The following VPS9D1 variants were observed in gnomAD, a reference collection of about 807,000 sequenced individuals.
VPS9D1 encodes the protein VPS9 domain-containing protein 1.
In VPS9D1, 78 loss-of-function variants were observed where a neutral mutation model predicts 75.8. The observed-to-expected ratio is 1.03, with a 90% CI of 0.86 to 1.24. VPS9D1 has a LOEUF of 1.24. Among genes scored for constraint, VPS9D1 ranks in the 50% most tolerant of loss-of-function variants. VPS9D1 has a pLI of 0.00. For missense variants in VPS9D1, 1,057 were observed against 847.7 expected, an observed-to-expected ratio of 1.25 and a Z score of -3.07; for synonymous variants, 481 against 385.6, an observed-to-expected ratio of 1.25 and a Z score of -2.90.
At position 89,716,795 on chromosome 16, in the gene VPS9D1, G is replaced by GT; in HGVS notation, c.202dup (p.Thr68AsnfsTer51). On this transcript the variant is annotated frameshift_variant, in exon 3 of 15. Transcript: ENST00000389386. LOFTEE classifies it high-confidence loss of function. ...CTGTGCTAGCTTCAGCATCTTGGAG[G>GT]TGTCGGGGGGCACAGTTTCCCCAGC... The GT allele has an allele frequency of 6.3e-7, 1 of 1,592,804 alleles. No individual in the cohort carries two copies. The highest frequency in any genetic ancestry group is 8.5e-7 in the Non-Finnish European group (1 of 1,174,248).
intron 10 of VPS9D1, 60 bp downstream of exon 10, chr16:89,710,526 C>G (rs552192750): frequency 2.6e-6 from 4 of 1,512,654 alleles, no homozygotes; most frequent in Admixed American, 4.0e-5. Context: ...AAGCTTGAAA[C>G]GGACCAATAA....
Position 89,708,550 on chromosome 16 carries a change from G to A in VPS9D1, c.1698-19C>T, listed in dbSNP as rs376974847. On this transcript the variant is annotated intron_variant, in intron 13 of 14. Coordinates refer to ENST00000389386, the MANE Select transcript of VPS9D1 (RefSeq NM_004913.3). ...GGCACCACTGTCGGGAGGGCATAGCGGCCTTGGGTTGGGGCCAGGAGCCTC... is the reference window on the plus strand; with the variant it reads ...GGCACCACTGTCGGGAGGGCATAGCAGCCTTGGGTTGGGGCCAGGAGCCTC... 449 of 1,607,688 alleles carry A rather than the reference G, an allele frequency of 2.8e-4. 1 individual carries two copies. The highest frequency in any genetic ancestry group is 7.8e-4 in the South Asian group (70 of 90,190).
rs1278377423 is a variant in VPS9D1 at position 89,716,485 on chromosome 16, C to A, written c.408G>T (p.Gly136=). ...ACTTCTTACAGCTTTGTGACTCTGCCCCCTGAAGCTTCTGGAAGATCTCGG... is the reference window on the plus strand; with the variant it reads ...ACTTCTTACAGCTTTGTGACTCTGCACCCTGAAGCTTCTGGAAGATCTCGG... The part of the protein sequence containing the change: ...LPPEIFQKLQ[G]AESQSCKKEL... The change falls in exon 4 of 15, where the codon GGG becomes GGT. Residue 136 remains glycine (G), a synonymous_variant. Coordinates refer to ENST00000389386, the MANE Select transcript of VPS9D1 (RefSeq NM_004913.3). 1 of 1,614,080 alleles carries A rather than the reference C, an allele frequency of 6.2e-7. No individual in the cohort carries two copies. The highest frequency in any genetic ancestry group is 1.1e-5 in the South Asian group (1 of 91,078).
At chr16:89,716,288 C>T (rs1373244536) in intron 4 of VPS9D1, among the ~76,000 whole-genome samples, 174 bp downstream of exon 4, 1 of 152,012 alleles carries the variant, frequency 6.6e-6, no homozygotes, top group Non-Finnish European at 1.5e-5. Flanking sequence ...ATGGTGTGAA[C>T]CCGGGAGGTG....
intron 2 of VPS9D1, 81 bp downstream of exon 2, chr16:89,718,946 C>T (rs1160362711): frequency 3.2e-6 from 4 of 1,241,278 alleles, no homozygotes; most frequent in Non-Finnish European, 3.5e-6. Context: ...ATCTCCTGAC[C>T]TCAGGTGATA....
intron 4 of VPS9D1, among the ~76,000 whole-genome samples, chr16:89,715,371 T>C (rs1261905141): frequency 1.3e-5 from 2 of 150,956 alleles, no homozygotes; most frequent in Non-Finnish European, 3.0e-5. Flanking sequence ...GGACTATAGG[T>C]GCCCGCCACC....
chr16:89,709,683 G>A (rs930149075), intron 11 of VPS9D1, 94 bp downstream of exon 11: 16 of 1,580,166 alleles, frequency 1.0e-5, no homozygotes, highest in African/African-American at 6.7e-5. Context: ...GGGATGGAGG[G>A]GAGCAGACAG....
At position 89,707,838 on chromosome 16, in the gene VPS9D1, A is replaced by G; in HGVS notation, c.*23T>C. ...CCTGGGAGGCGAGGCCAGGCCCTGCAGGGACCCTGGGCTCTAGCTGTACTA... is the reference window on the plus strand; with the variant it reads ...CCTGGGAGGCGAGGCCAGGCCCTGCGGGGACCCTGGGCTCTAGCTGTACTA... On this transcript the variant is annotated 3_prime_UTR_variant, in exon 15 of 15. Coordinates refer to ENST00000389386, the MANE Select transcript of VPS9D1 (RefSeq NM_004913.3). The G allele has an allele frequency of 1.2e-6, 2 of 1,611,280 alleles. No homozygotes were observed. The highest frequency in any genetic ancestry group is 1.7e-6 in the Non-Finnish European group (2 of 1,178,552).
At position 89,711,007 on chromosome 16, in the gene VPS9D1, G is replaced by T. The variant is rs372851965; in HGVS notation, c.837C>A (p.Leu279=). ...VTSLVSHLLS[L]PDHPIAQLLR... ...GGAGCTGCGCGATCGGGTGGTCGGGGAGGCTGCGGGAGAAGAGGACGTGAG... is the reference window on the plus strand; with the variant it reads ...GGAGCTGCGCGATCGGGTGGTCGGGTAGGCTGCGGGAGAAGAGGACGTGAG... Residue 279 remains leucine, a synonymous_variant, in exon 10 of 15, where the codon CTC becomes CTA. Coordinates refer to ENST00000389386, the MANE Select transcript of VPS9D1 (RefSeq NM_004913.3). The T allele has an allele frequency of 9.0e-6, 13 of 1,437,724 alleles. No homozygotes were observed. The highest frequency in any genetic ancestry group is 1.2e-5 in the Non-Finnish European group (13 of 1,100,974). The allele number at this position is 1,437,724 out of a possible 1,614,324, so 89.1% of individuals were successfully genotyped here. A position where few individuals can be genotyped will look rare whatever the true frequency, so the allele number is the denominator to read the frequency against.
At position 89,711,864 on chromosome 16, in the gene VPS9D1, G is replaced by A. The variant is rs368652054; in HGVS notation, c.747+18C>T. 1 of 1,549,338 alleles carries A rather than the reference G, an allele frequency of 6.5e-7. No homozygotes were observed. Among genetic ancestry groups the A allele is most frequent in the African/African-American group, 1.4e-5 (1 of 73,012 alleles). On this transcript the variant is annotated intron_variant, in intron 8 of 14. Coordinates refer to ENST00000389386, the MANE Select transcript of VPS9D1 (RefSeq NM_004913.3). ...CGCTGGGCTCCTCCTACAAAGCCTG[G>A]GCCCGTGGGGGACGCACATGGTCCT...
At position 89,709,263 on chromosome 16, in the gene VPS9D1, G is replaced by C. The variant is rs763806527; in HGVS notation, c.1561C>G (p.Leu521Val). 1.4e-5 allele frequency: 23 copies of C among 1,611,778 alleles called. No homozygotes were observed. The highest frequency in any genetic ancestry group is 1.9e-5 in the Non-Finnish European group (23 of 1,179,902). The change falls in exon 12 of 15, where the codon CTG becomes GTG. Residue 521 changes from leucine (L) to valine (V), a missense_variant. Transcript: ENST00000389386. ...AAAQELGLLV[L>V]ESCPQKKLEC... ...AGCTTCTTCTGGGGGCAGCTCTCCA[G>C]GACCAGCAGTCCGAGCTCCTGGGCC...
chr16:89,712,723 ATG>A lies in VPS9D1; in HGVS notation c.432-9_432-8del, dbSNP rs535743475. The A allele has an allele frequency of 2.8e-4, 436 of 1,580,658 alleles. 2 individuals are homozygous for A. The African/African-American group carries it at 5.4e-3, about 19-fold the overall frequency. On this transcript the variant is annotated splice_polypyrimidine_tract_variant and splice_region_variant and intron_variant, in intron 4 of 14. Transcript: ENST00000389386. ...CTCCAGTGGCGTCAGCTCTCTGGAA[ATG>A]TGACAAGCTGCTGTCTAGACCCCAG...
rs2060893679 is a variant in VPS9D1, at chr16:89,710,633, T to G, written c.1211A>C (p.Gln404Pro). The G allele has an allele frequency of 6.2e-7, 1 of 1,610,050 alleles. No individual in the cohort carries two copies. Among genetic ancestry groups the G allele is most frequent in the Non-Finnish European group, 8.5e-7 (1 of 1,177,834 alleles). Residue 404 changes from glutamine to proline, a missense_variant, in exon 10 of 15, where the codon CAG becomes CCG. Transcript: ENST00000389386. ...GRGRGVQPEPQLQQLKTAVEE... is the reference protein window; with the variant it reads ...GRGRGVQPEPPLQQLKTAVEE... ...CACCGCGGTCTTCAGCTGCTGCAGC[T>G]GGGGCTCCGGCTGTACCCCACGGCC...
intron 13 of VPS9D1, among the ~76,000 whole-genome samples, 156 bp downstream of exon 13, chr16:89,708,701 G>A (rs540480381): frequency 2.2e-4 from 34 of 152,356 alleles, no homozygotes; most frequent in Admixed American, 2.0e-3. Flanking sequence ...GGGAGCTCCC[G>A]TACTGCGGAG....
rs940800208 is a variant in VPS9D1, at chr16:89,711,511, C to T, written c.748-99G>A. 32 of 1,225,162 alleles carry T rather than the reference C, an allele frequency of 2.6e-5. No individual in the cohort carries two copies. The African/African-American group carries it at 4.4e-4, about 17-fold the overall frequency. 75.9% of individuals were successfully genotyped at this position (1,225,162 alleles called of 1,614,324 possible). On this transcript the variant is annotated intron_variant, in intron 8 of 14. Transcript: ENST00000389386. ...GCCGACCCCTAGAGACTGTGGGAGC[C>T]CGTCCTGGGGTGCAGGAGACCCAGC... is the stretch of plus-strand genomic sequence containing the variant.
Position 89,707,162 on chromosome 16 carries a change from G to A in VPS9D1, c.*699C>T, listed in dbSNP as rs1294095511. On this transcript the variant is annotated 3_prime_UTR_variant, in exon 15 of 15. Transcript: ENST00000389386. ...AGCAGTGAGCTCTTTATTTTAGGCT[G>A]GGTGGGGGCAGCATGTGACAGTCAA... 6.6e-6 allele frequency: 1 copy of A among 152,376 alleles called. No homozygotes were observed. The highest frequency in any genetic ancestry group is 6.5e-5 in the Admixed American group (1 of 15,288). The allele number at this position is 152,376 out of a possible 1,614,324, so 9.4% of individuals were successfully genotyped here.
Position 89,719,892 on chromosome 16 carries a change from T to C in VPS9D1, c.100-790A>G, listed in dbSNP as rs556447020. Among the ~76,000 whole-genome samples the C allele has an allele frequency of 7.2e-5, 11 of 152,308 alleles. No individual in the cohort carries two copies. The South Asian group carries it at 2.3e-3, about 32-fold the overall frequency. On this transcript the variant is annotated intron_variant, in intron 1 of 14. Coordinates refer to ENST00000389386, the MANE Select transcript of VPS9D1 (RefSeq NM_004913.3). ...CACCGCCACACCCAGCTAATTTTTG[T>C]ATTTTTAGTAGAGACGGGGTTTCAC...
At chr16:89,719,432 G>C (rs1379044239) in intron 1 of VPS9D1, 1 of 477,968 alleles carries the variant, frequency 2.1e-6, no homozygotes, top group African/African-American at 2.0e-5. Flanking sequence ...GTGGGCCTGG[G>C]GAAGTGACCT....
In VPS9D1 at chr16:89,710,660, C is replaced by T. The variant is rs771189332; in HGVS notation, c.1184G>A (p.Arg395Gln). 6.2e-7 allele frequency: 1 copy of T among 1,611,692 alleles called. No individual in the cohort carries two copies. Among genetic ancestry groups the T allele is most frequent in the African/African-American group, 1.3e-5 (1 of 75,032 alleles). ...GGGCTCCGGCTGTACCCCACGGCCCCGGCCCTGCCGCTCAGACGTCCCCAG... is the reference window on the plus strand; with the variant it reads ...GGGCTCCGGCTGTACCCCACGGCCCTGGCCCTGCCGCTCAGACGTCCCCAG... ...QFLGTSERQG[R>Q]GRGVQPEPQL... Residue 395 changes from arginine (R) to glutamine (Q), a missense_variant, in exon 10 of 15, where the codon CGG becomes CAG. Arg to Gln is a conservative substitution (Grantham distance 43, BLOSUM62 1). Transcript: ENST00000389386.
Sources: gnomAD v4.1 joint callset for allele counts (sites outside exome capture counted in the v4.1 genomes callset) on GRCh38, gnomAD v4.1.1 for gene constraint, MANE v1.5 for transcripts, NCBI Gene and HGNC (gene_info 2026-07-23, HGNC 2026-07-21) for gene names.